The following EFCAB8 variants were observed in gnomAD, a reference collection of about 807,000 sequenced individuals.
EFCAB8 encodes the protein EF-hand calcium binding domain 8, also known as EF-hand calcium-binding domain-containing protein 8.
A neutral mutation model predicts 116.3 loss-of-function variants in EFCAB8; 100 were observed. The observed-to-expected ratio is 0.86, with a 90% CI of 0.73 to 1.02. The LOEUF (loss-of-function observed/expected upper bound fraction) is 1.02, where lower values mean the gene tolerates loss of function less well. Among genes scored for constraint, EFCAB8 ranks in the 50% least tolerant of loss-of-function variants. EFCAB8 has a pLI of 0.00. For missense variants in EFCAB8, 1,320 were observed against 1,416.9 expected (o/e 0.93, Z 1.10); for synonymous variants, 558 against 567.9 (o/e 0.98, Z 0.25).
chr20:32,874,262 A>G (rs1274575715), intron 3 of EFCAB8, among the ~76,000 whole-genome samples: 3 of 151,890 alleles, frequency 2.0e-5, no homozygotes, highest in Non-Finnish European at 4.4e-5. Flanking sequence ...TGTCTCCATC[A>G]CCTAGGCTAC....
chr20:32,923,248 G>A (rs144059860), intron 20 of EFCAB8, among the ~76,000 whole-genome samples: 2 of 152,084 alleles, frequency 1.3e-5, no homozygotes, highest in African/African-American at 2.4e-5. Context: ...CACTTTGGGA[G>A]GCTGAGGTGG....
In EFCAB8 at chr20:32,892,997, C is replaced by T. The variant is rs528481842; in HGVS notation, c.759-177C>T. 7.9e-5 allele frequency among the ~76,000 whole-genome samples: 12 copies of T among 152,102 alleles called. No homozygotes were observed. In the South Asian group the frequency reaches 1.7e-3, roughly 21 times the overall value. On this transcript the variant is annotated intron_variant, in intron 8 of 26. Coordinates refer to ENST00000400522, the MANE Select transcript of EFCAB8 (RefSeq NM_001143967.2). The stretch of plus-strand genomic sequence containing the variant: ...CTGGGATTACTGGTGCCCGCCACCA[C>T]GCTTGGCTAATTTTTGTATTTTTAG...
At chr20:32,897,037 C>A (rs1157049278) in intron 10 of EFCAB8, among the ~76,000 whole-genome samples, 1 of 152,176 alleles carries the variant, frequency 6.6e-6, no homozygotes, top group Non-Finnish European at 1.5e-5. Context: ...GGCTCCTCTG[C>A]TGTTCCCTGA....
At chr20:32,869,179 G>A (rs1468700299) in intron 3 of EFCAB8, among the ~76,000 whole-genome samples, 4 of 152,156 alleles carry the variant, frequency 2.6e-5, no homozygotes, top group South Asian at 2.1e-4. Context: ...CACCAACAGA[G>A]CTGTTTGCAA....
At chr20:32,942,298 A>G (rs1317935074) in intron 22 of EFCAB8, among the ~76,000 whole-genome samples, 2 of 152,142 alleles carry the variant, frequency 1.3e-5, no homozygotes, top group African/African-American at 2.4e-5. Flanking sequence ...TTCTTAATCT[A>G]TTGGCTTTGT....
chr20:32,912,463 G>C (rs1986985636), intron 16 of EFCAB8, among the ~76,000 whole-genome samples: 1 of 150,702 alleles, frequency 6.6e-6, no homozygotes, highest in Non-Finnish European at 1.5e-5. Context: ...AAGAAAGAAA[G>C]TGTACTTAGC....
At chr20:32,951,414 G>A (rs544684395) in intron 23 of EFCAB8, among the ~76,000 whole-genome samples, 8 of 152,340 alleles carry the variant, frequency 5.3e-5, no homozygotes, top group South Asian at 4.1e-4. Flanking sequence ...AGAGAAGCCA[G>A]ACGAAAACCT....
intron 23 of EFCAB8, 47 bp from the exon 24 acceptor site, chr20:32,958,374 G>A: frequency 2.4e-6 from 1 of 416,486 alleles, no homozygotes; most frequent in Non-Finnish European, 4.4e-6. Flanking sequence ...GGGCATGGAG[G>A]AGGGGGTATG....
chr20:32,862,356 G>A (rs1984157845), intron 1 of EFCAB8, among the ~76,000 whole-genome samples: 1 of 151,478 alleles, frequency 6.6e-6, no homozygotes, highest in Non-Finnish European at 1.5e-5. Flanking sequence ...TCAAACTCCT[G>A]GATGCAAGCG....
chr20:32,937,154 AT>A (rs1988152814), intron 22 of EFCAB8, among the ~76,000 whole-genome samples: 1 of 151,914 alleles, frequency 6.6e-6, no homozygotes, highest in Admixed American at 6.6e-5. Flanking sequence ...CTAATTTTGT[AT>A]TTTTAGTAGA....
At chr20:32,943,013 G>T (rs1217019497) in intron 22 of EFCAB8, among the ~76,000 whole-genome samples, 1 of 152,098 alleles carries the variant, frequency 6.6e-6, no homozygotes, top group East Asian at 1.9e-4. Flanking sequence ...CTTGAATATG[G>T]TCGAATAAGT....
rs550540130 is a variant in EFCAB8 at position 32,889,332 on chromosome 20, C to T, written c.599C>T (p.Pro200Leu). 3.0e-5 allele frequency: 46 copies of T among 1,551,708 alleles called. No homozygotes were observed. In the South Asian group the frequency reaches 4.0e-4, roughly 14 times the overall value. Residue 200 changes from proline to leucine, a missense_variant, in exon 7 of 27, where the codon CCG (proline) becomes CTG (leucine). Physicochemically the swap from Pro to Leu is moderately conservative, Grantham distance 98. Coordinates refer to ENST00000400522, the MANE Select transcript of EFCAB8 (RefSeq NM_001143967.2). The stretch of plus-strand genomic sequence containing the variant: ...CAGACCCAGCAGCTCTACAACCAGC[C>T]GATGTGGGTCATTGACATGGTATGT... Reference protein sequence around the residue: ...LNQTQQLYNQPMWVIDMVCLH... With the variant: ...LNQTQQLYNQLMWVIDMVCLH...
chr20:32,911,097 C>T (rs558062604), intron 15 of EFCAB8, among the ~76,000 whole-genome samples: 13 of 152,286 alleles, frequency 8.5e-5, no homozygotes. Flanking sequence ...CATTGAGTGG[C>T]ATGGCTGTCC....
At chr20:32,941,255 G>C (rs981834057) in intron 22 of EFCAB8, among the ~76,000 whole-genome samples, 2 of 144,532 alleles carry the variant, frequency 1.4e-5, no homozygotes, top group Non-Finnish European at 3.0e-5. Flanking sequence ...TCCAAACTCT[G>C]TTTAAAAAAA....
chr20:32,895,737 A>AATTTTTGT (rs1443798167), intron 9 of EFCAB8, among the ~76,000 whole-genome samples: 1 of 151,748 alleles, frequency 6.6e-6, no homozygotes, highest in Non-Finnish European at 1.5e-5. Context: ...ATGCCCGGCT[A>AATTTTTGT]ATTTTTGTAT....
chr20:32,897,908 G>A (rs553244714), intron 10 of EFCAB8, among the ~76,000 whole-genome samples: 2 of 152,274 alleles, frequency 1.3e-5, no homozygotes, highest in East Asian at 1.9e-4. Flanking sequence ...TTCCATTCTC[G>A]TCACAGAGAG....
chr20:32,893,447 G>A (rs1251017172), intron 9 of EFCAB8, 149 bp downstream of exon 9: 33 of 1,194,030 alleles, frequency 2.8e-5, no homozygotes, highest in Non-Finnish European at 3.3e-5. Flanking sequence ...GGTGCATGCC[G>A]CTCAGCTCAG....
Position 32,893,846 on chromosome 20 carries a change from C to T in EFCAB8, c.883+548C>T, listed in dbSNP as rs527295694. ...TGCATGCATCACCTCCCATAATCCG[C>T]CCCTACTGTCAGGAGGGAGGAGCCG... On this transcript the variant is annotated intron_variant, in intron 9 of 26. Transcript: ENST00000400522. Among the ~76,000 whole-genome samples, 5 of 152,256 alleles carry T rather than the reference C, an allele frequency of 3.3e-5. No individual in the cohort carries two copies. In the South Asian group the frequency reaches 1.0e-3, roughly 32 times the overall value.
intron 11 of EFCAB8, among the ~76,000 whole-genome samples, chr20:32,905,361 G>T (rs1986625816): frequency 6.6e-6 from 1 of 152,218 alleles, no homozygotes; most frequent in African/African-American, 2.4e-5. Flanking sequence ...AGTTTCATGT[G>T]AAGTTTGATG....
Sources: allele counts gnomAD v4.1 joint callset (sites outside exome capture counted in the v4.1 genomes callset), GRCh38; gene constraint gnomAD v4.1.1; transcripts MANE v1.5; gene names NCBI Gene and HGNC (gene_info 2026-07-23, HGNC 2026-07-21).